CNTNAP4: variants seen among roughly 807,000 people sequenced by gnomAD.
CNTNAP4 encodes contactin-associated protein-like 4.
Under a neutral mutation model 148.4 loss-of-function variants are expected in CNTNAP4, and 98 were observed. The ratio of observed to expected loss-of-function variants is 0.66; its 90% CI spans 0.56 to 0.78. The LOEUF is 0.78. CNTNAP4 is among the 30% of genes least tolerant of loss of function. CNTNAP4 has a pLI of 0.00. For missense variants in CNTNAP4, 1,935 were observed against 1,565.6 expected, an observed-to-expected ratio of 1.24 and a Z score of -3.98; for synonymous variants, 730 against 565.1, an observed-to-expected ratio of 1.29 and a Z score of -4.14.
intron 3 of CNTNAP4, among the ~76,000 whole-genome samples, chr16:76,401,422 T>A (rs1260656686): frequency 6.6e-6 from 1 of 152,208 alleles, no homozygotes. Flanking sequence ...CTGAAGTTGT[T>A]TACCAGCTGA....
At chr16:76,415,936 T>G (rs1255275808) in intron 3 of CNTNAP4, among the ~76,000 whole-genome samples, 6 of 151,282 alleles carry the variant, frequency 4.0e-5, no homozygotes, top group African/African-American at 1.2e-4. Context: ...GTTTGTTTTT[T>G]TTTTTTAACT....
chr16:76,422,015 T>A (rs2079207914), intron 3 of CNTNAP4, among the ~76,000 whole-genome samples: 1 of 152,198 alleles, frequency 6.6e-6, no homozygotes, highest in African/African-American at 2.4e-5. Flanking sequence ...GTTGCTCAAT[T>A]AATATTTGAA....
intron 8 of CNTNAP4, among the ~76,000 whole-genome samples, chr16:76,460,141 C>A (rs1489204083): frequency 6.6e-6 from 1 of 151,868 alleles, no homozygotes; most frequent in South Asian, 2.1e-4. Flanking sequence ...GAGTTTCACT[C>A]TTGTTGCCCA....
At chr16:76,557,191 A>G (rs915388117) in intron 23 of CNTNAP4, among the ~76,000 whole-genome samples, 3 of 152,128 alleles carry the variant, frequency 2.0e-5, no homozygotes, top group Admixed American at 1.3e-4. Context: ...TCCAAATTCA[A>G]TTTTTCATTT....
chr16:76,309,177 C>A (rs1344990308), intron 1 of CNTNAP4, among the ~76,000 whole-genome samples: 1 of 151,974 alleles, frequency 6.6e-6, no homozygotes, highest in African/African-American at 2.4e-5. Context: ...TTAAAATGGA[C>A]TTTGGTGGCT....
chr16:76,349,510 C>A (rs1965195879), intron 2 of CNTNAP4, among the ~76,000 whole-genome samples: 1 of 152,096 alleles, frequency 6.6e-6, no homozygotes, highest in African/African-American at 2.4e-5. Flanking sequence ...GGGGACACGG[C>A]ACACCATTTA....
intron 2 of CNTNAP4, among the ~76,000 whole-genome samples, chr16:76,341,692 C>T (rs1348157967): frequency 6.6e-6 from 1 of 151,492 alleles, no homozygotes; most frequent in Non-Finnish European, 1.5e-5. Context: ...ATATGGCTTT[C>T]AAAGGAAAGA....
Position 76,433,664 on chromosome 16 carries a change from T to C in CNTNAP4, c.538+6065T>C, listed in dbSNP as rs527900783. On this transcript the variant is annotated intron_variant, in intron 4 of 23. Transcript: ENST00000611870. ...AGTCTCTGTCTATTCAGGATGCTAA[T>C]CTCTCATACCACCTGTCTGGTTAGG... Among the ~76,000 whole-genome samples, 3 of 152,218 alleles carry C rather than the reference T, an allele frequency of 2.0e-5. No homozygotes were observed. The East Asian group carries it at 5.8e-4, about 30-fold the overall frequency.
chr16:76,514,810 A>G, intron 15 of CNTNAP4, among the ~76,000 whole-genome samples: 1 of 152,248 alleles, frequency 6.6e-6, no homozygotes, highest in East Asian at 1.9e-4. Flanking sequence ...TTGTGTTCTG[A>G]TAATATAACA....
chr16:76,407,801 AG>A (rs2078646422), intron 3 of CNTNAP4, among the ~76,000 whole-genome samples: 3 of 152,166 alleles, frequency 2.0e-5, no homozygotes, highest in Non-Finnish European at 4.4e-5. Flanking sequence ...AAGCAGTGGC[AG>A]GGTTTGAGAG....
intron 21 of CNTNAP4, 131 bp downstream of exon 21, chr16:76,540,921 T>C: frequency 1.7e-6 from 1 of 599,246 alleles, no homozygotes; most frequent in East Asian, 3.4e-5. Flanking sequence ...GATTATGAAG[T>C]GAGTGATAAT....
intron 2 of CNTNAP4, among the ~76,000 whole-genome samples, chr16:76,322,516 A>G (rs1962530581): frequency 6.6e-6 from 1 of 152,174 alleles, no homozygotes. Context: ...TTGGGTCTTA[A>G]TCACTACTAC....
intron 2 of CNTNAP4, among the ~76,000 whole-genome samples, chr16:76,345,382 A>C (rs1415382215): frequency 6.6e-6 from 1 of 152,236 alleles, no homozygotes; most frequent in African/African-American, 2.4e-5. Flanking sequence ...TAATAAAAAC[A>C]AAACAGTGAT....
chr16:76,452,186 A>G (rs9936507), intron 7 of CNTNAP4, among the ~76,000 whole-genome samples: 9,060 of 152,148 alleles, frequency 0.06, 742 homozygotes, highest in African/African-American at 0.19. Flanking sequence ...AATAAAAGTG[A>G]ATTCACTTTT....
At chr16:76,361,351 A>G (rs948875229) in intron 3 of CNTNAP4, among the ~76,000 whole-genome samples, 1 of 152,044 alleles carries the variant, frequency 6.6e-6, no homozygotes, top group Non-Finnish European at 1.5e-5. Context: ...GCCTCTATAG[A>G]TTTGACTATT....
At chr16:76,431,540 G>C (rs554776086) in intron 4 of CNTNAP4, among the ~76,000 whole-genome samples, 1 of 152,114 alleles carries the variant, frequency 6.6e-6, no homozygotes, top group African/African-American at 2.4e-5. Flanking sequence ...TTAGCCGGGC[G>C]TGGCAGCGCA....
intron 2 of CNTNAP4, among the ~76,000 whole-genome samples, chr16:76,339,057 C>T (rs770832745): frequency 2.0e-5 from 3 of 152,138 alleles, no homozygotes; most frequent in Non-Finnish European, 4.4e-5. Context: ...AGCCCTTCGA[C>T]ACAGTAGTTT....
chr16:76,439,346 A>G (rs9889083), intron 4 of CNTNAP4, among the ~76,000 whole-genome samples: 97,178 of 152,042 alleles, frequency 0.64, 32,464 homozygotes, highest in African/African-American at 0.84. Context: ...GTTATTATTA[A>G]AATCATAACA....
chr16:76,326,246 T>C (rs1389333304), intron 2 of CNTNAP4, among the ~76,000 whole-genome samples: 3 of 152,140 alleles, frequency 2.0e-5, no homozygotes, highest in East Asian at 1.9e-4. Flanking sequence ...AGCGTACATG[T>C]GTGAAGGGCC....
Sources: allele counts gnomAD v4.1 joint callset (sites outside exome capture counted in the v4.1 genomes callset), GRCh38; gene constraint gnomAD v4.1.1; transcripts MANE v1.5; gene names NCBI Gene and HGNC (gene_info 2026-07-23, HGNC 2026-07-21).